Variants in CEP162 observed in about 807,000 individuals in gnomAD.
CEP162 encodes the protein centrosomal protein 162.
CEP162 carries 141 observed loss-of-function variants against 169.2 expected under a neutral mutation model. The ratio of observed to expected loss-of-function variants is 0.83; its 90% CI spans 0.73 to 0.96. The LOEUF (loss-of-function observed/expected upper bound fraction) is 0.96. Among genes scored for constraint, CEP162 ranks in the 40% least tolerant of loss-of-function variants. CEP162 has a pLI of 0.00. For missense variants in CEP162, 1,600 were observed against 1,587.2 expected (o/e 1.01, Z -0.14); for synonymous variants, 540 against 526.4 (o/e 1.03, Z -0.35).
chr6:84,215,976 C>T, intron 3 of CEP162, 54 bp from the exon 4 acceptor site: 1 of 1,463,664 alleles, frequency 6.8e-7, no homozygotes, highest in East Asian at 2.5e-5. Context: ...ATTGTTTTGG[C>T]CACTATGACA....
At chr6:84,148,777 A>T (rs2099520020) in intron 24 of CEP162, among the ~76,000 whole-genome samples, 1 of 152,126 alleles carries the variant, frequency 6.6e-6, no homozygotes, top group East Asian at 1.9e-4. Flanking sequence ...AGATGAACAC[A>T]ATAAACATTC....
At chr6:84,182,816 A>G (rs139482306) in intron 13 of CEP162, among the ~76,000 whole-genome samples, 6 of 152,298 alleles carry the variant, frequency 3.9e-5, no homozygotes, top group African/African-American at 1.4e-4. Flanking sequence ...GTTACATAAA[A>G]GAAAAGATGC....
chr6:84,155,132 G>A (rs746284985), intron 22 of CEP162, among the ~76,000 whole-genome samples, 166 bp downstream of exon 22: 5 of 152,084 alleles, frequency 3.3e-5, no homozygotes, highest in Non-Finnish European at 7.4e-5. Context: ...GCTGAAAGAC[G>A]ACACCAAAAT....
Position 84,201,739 on chromosome 6 carries a change from T to C in CEP162, c.716A>G (p.Asn239Ser). Residue 239 changes from asparagine to serine, a missense_variant and splice_region_variant, in exon 8 of 27, where the codon AAT becomes AGT. Asn to Ser is a conservative substitution (Grantham distance 46, BLOSUM62 1). Coordinates refer to ENST00000403245, the MANE Select transcript of CEP162 (RefSeq NM_014895.4). Reference protein sequence around the residue: ...QEEEKTGMLANVVLLDSLDSV... With the variant: ...QEEEKTGMLASVVLLDSLDSV... The stretch of plus-strand genomic sequence containing the variant: ...ACATGAATATAAATAATATTTACCA[T>C]TAGCAAGCATGCCAGTTTTTTCTTC... The C allele has an allele frequency of 7.5e-7, 1 of 1,333,060 alleles. No individual in the cohort carries two copies. The highest frequency in any genetic ancestry group is 1.0e-6 in the Non-Finnish European group (1 of 962,804). 82.6% of individuals were successfully genotyped at this position (1,333,060 alleles called of 1,614,324 possible).
At chr6:84,175,103 T>C (rs1226481448) in intron 14 of CEP162, 111 bp downstream of exon 14, 1 of 870,828 alleles carries the variant, frequency 1.1e-6, no homozygotes, top group Non-Finnish European at 1.7e-6. Flanking sequence ...GATTACAGTA[T>C]CACTCAAAGG....
At chr6:84,185,080 G>A in intron 13 of CEP162, 107 bp downstream of exon 13, 1 of 1,016,652 alleles carries the variant, frequency 9.8e-7, no homozygotes, top group Non-Finnish European at 1.4e-6. Flanking sequence ...GTCAAGCCCT[G>A]TTGCCTCCTG....
Position 84,147,733 on chromosome 6 carries a change from T to G in CEP162, c.3772-948A>C, listed in dbSNP as rs145011902. Among the ~76,000 whole-genome samples the G allele has an allele frequency of 3.4e-3, 511 of 152,322 alleles. 4 individuals carry two copies. The highest frequency in any genetic ancestry group is 0.011 in the African/African-American group (442 of 41,586). On this transcript the variant is annotated intron_variant, in intron 24 of 26. Transcript: ENST00000403245. ...ATTTGGAAAAAGGTAGACAATATTATCTTTATACTCTGTGGTTAAGTATGA... is the reference window on the plus strand; with the variant it reads ...ATTTGGAAAAAGGTAGACAATATTAGCTTTATACTCTGTGGTTAAGTATGA...
At chr6:84,180,417 C>T (rs2099534292) in intron 13 of CEP162, among the ~76,000 whole-genome samples, 1 of 152,070 alleles carries the variant, frequency 6.6e-6, no homozygotes, top group Admixed American at 6.6e-5. Context: ...TAGAAGCATT[C>T]CCTTTGAAAA....
chr6:84,155,202 G>T, intron 22 of CEP162, 96 bp downstream of exon 22: 2 of 928,792 alleles, frequency 2.2e-6, no homozygotes, highest in Non-Finnish European at 1.6e-6. Context: ...TCATGGGAAA[G>T]AATGTTTATA....
rs1436726309 is a variant in CEP162, at chr6:84,125,258, G to C, written c.4024C>G (p.Gln1342Glu). 1.2e-6 allele frequency: 2 copies of C among 1,613,050 alleles called. No homozygotes were observed. The highest frequency in any genetic ancestry group is 1.7e-6 in the Non-Finnish European group (2 of 1,179,482). The change falls in exon 27 of 27, where the codon CAA (glutamine) becomes GAA (glutamate). Residue 1342 changes from glutamine to glutamate, a missense_variant. By Grantham distance (29) the Gln-to-Glu change is conservative (BLOSUM62 2). Transcript: ENST00000403245. ...TTGTTTTGCTCAGTTTCTACTACTT[G>C]GTGTGTTTGCTGTATTATCTGCAAA... The part of the protein sequence containing the change: ...ELQQIIQQTH[Q>E]VVETEQNKEV...
At chr6:84,196,383 C>T (rs1239387530) in intron 9 of CEP162, among the ~76,000 whole-genome samples, 3 of 152,180 alleles carry the variant, frequency 2.0e-5, no homozygotes, top group Non-Finnish European at 4.4e-5. Flanking sequence ...ACAATAAACC[C>T]TTTTTCCTGT....
At chr6:84,176,213 C>T (rs888816758) in intron 13 of CEP162, among the ~76,000 whole-genome samples, 2 of 151,940 alleles carry the variant, frequency 1.3e-5, no homozygotes, top group Non-Finnish European at 2.9e-5. Context: ...TTTTTAATTA[C>T]AAATGAATGT....
intron 6 of CEP162, among the ~76,000 whole-genome samples, chr6:84,207,584 G>C (rs2127740727): frequency 7.0e-6 from 1 of 142,320 alleles, no homozygotes; most frequent in African/African-American, 2.6e-5. Context: ...GGGGGAGGGG[G>C]GAAGGACAGT....
At chr6:84,189,642 G>A (rs543518230) in intron 11 of CEP162, among the ~76,000 whole-genome samples, 10 of 152,322 alleles carry the variant, frequency 6.6e-5, no homozygotes, top group African/African-American at 2.4e-4. Context: ...CGCCATGCCT[G>A]AGCCTCCCAC....
intron 21 of CEP162, among the ~76,000 whole-genome samples, chr6:84,157,629 C>T (rs997797325): frequency 1.3e-5 from 2 of 151,968 alleles, no homozygotes; most frequent in African/African-American, 2.4e-5. Context: ...GAGCCAGGAT[C>T]GCGCTCCAGC....
intron 9 of CEP162, among the ~76,000 whole-genome samples, chr6:84,199,607 T>G (rs1345601319): frequency 6.6e-6 from 1 of 151,934 alleles, no homozygotes; most frequent in Non-Finnish European, 1.5e-5. Context: ...GGTTAGTGAT[T>G]TCTGAGTTGG....
At chr6:84,173,917 T>G (rs949929984) in intron 16 of CEP162, 131 bp downstream of exon 16, 3 of 638,038 alleles carry the variant, frequency 4.7e-6, no homozygotes, top group Non-Finnish European at 7.9e-6. Flanking sequence ...ACTCCTGACC[T>G]CAGGTGATCC....
At chr6:84,223,709 C>G (rs1293836764) in intron 2 of CEP162, among the ~76,000 whole-genome samples, 5 of 151,426 alleles carry the variant, frequency 3.3e-5, no homozygotes, top group Non-Finnish European at 5.9e-5. Flanking sequence ...GTGTTTCGGA[C>G]CAGACTGGCC....
chr6:84,145,971 C>T (rs1384317230), intron 25 of CEP162, among the ~76,000 whole-genome samples: 1 of 151,986 alleles, frequency 6.6e-6, no homozygotes, highest in Non-Finnish European at 1.5e-5. Flanking sequence ...CATATAGAGG[C>T]CTAACTTTGA....
Sources: allele counts gnomAD v4.1 joint callset (sites outside exome capture counted in the v4.1 genomes callset), GRCh38; gene constraint gnomAD v4.1.1; transcripts MANE v1.5; gene names NCBI Gene and HGNC (gene_info 2026-07-23, HGNC 2026-07-21).